PLAC8L1: variants seen among roughly 807,000 people sequenced by gnomAD.
The protein encoded by PLAC8L1 is PLAC8 like 1.
Under a neutral mutation model 16.3 loss-of-function variants are expected in PLAC8L1, and 13 were observed. That is an observed-to-expected ratio of 0.80 (90% CI 0.52 to 1.27). PLAC8L1 has a LOEUF of 1.27. Ranked by LOEUF, PLAC8L1 falls within the 50% of genes most tolerant of loss-of-function variation. The pLI is 0.00. For synonymous variants in PLAC8L1, 78 were observed against 79.3 expected, an observed-to-expected ratio of 0.98 and a Z score of 0.09; for missense variants, 184 against 220.2, an observed-to-expected ratio of 0.84 and a Z score of 1.04.
intron 2 of PLAC8L1, among the ~76,000 whole-genome samples, chr5:146,092,535 A>ATTTTTTTTTTT (rs35101919): frequency 3.0e-5 from 3 of 100,384 alleles, no homozygotes; most frequent in Non-Finnish European, 5.8e-5. Context: ...ATCTTTGCAG[A>ATTTTTTTTTTT]TTTTTTTTTT....
chr5:146,096,594 G>C (rs952971067), intron 2 of PLAC8L1, among the ~76,000 whole-genome samples: 3 of 152,134 alleles, frequency 2.0e-5, no homozygotes, highest in Non-Finnish European at 4.4e-5. Flanking sequence ...TAGGATTCAC[G>C]GTGTATATGT....
intron 1 of PLAC8L1, among the ~76,000 whole-genome samples, chr5:146,102,467 G>C (rs1763837096): frequency 1.3e-5 from 2 of 152,156 alleles, no homozygotes; most frequent in Non-Finnish European, 2.9e-5. Context: ...CCATGTACCA[G>C]GATCTCAGTA....
chr5:146,096,727 C>G (rs1372352166), intron 2 of PLAC8L1, among the ~76,000 whole-genome samples: 3 of 151,934 alleles, frequency 2.0e-5, no homozygotes, highest in Non-Finnish European at 4.4e-5. Flanking sequence ...ACTTACTATT[C>G]TGGGGCCAGA....
intron 2 of PLAC8L1, among the ~76,000 whole-genome samples, chr5:146,097,111 T>A (rs1763730652): frequency 6.6e-6 from 1 of 152,096 alleles, no homozygotes; most frequent in African/African-American, 2.4e-5. Flanking sequence ...CTCCCCCTCC[T>A]CCCAGAGAGA....
intron 2 of PLAC8L1, among the ~76,000 whole-genome samples, chr5:146,091,234 A>G (rs907457124): frequency 4.6e-5 from 7 of 152,208 alleles, no homozygotes; most frequent in Non-Finnish European, 1.0e-4. Flanking sequence ...CCCTGTATCA[A>G]TGCTTATACA....
chr5:146,089,175 AAC>A (rs1491172394), intron 2 of PLAC8L1, among the ~76,000 whole-genome samples: 2 of 152,310 alleles, frequency 1.3e-5, no homozygotes, highest in East Asian at 3.9e-4. Flanking sequence ...TTTTAAAAAA[AAC>A]ACACGCTTTT....
chr5:146,096,924 G>A (rs954183849), intron 2 of PLAC8L1, among the ~76,000 whole-genome samples: 18 of 152,178 alleles, frequency 1.2e-4, no homozygotes, highest in Non-Finnish European at 2.1e-4. Context: ...TATGGGTCAC[G>A]GGGAAGACTC....
intron 1 of PLAC8L1, among the ~76,000 whole-genome samples, chr5:146,101,864 T>C (rs1260136524): frequency 1.3e-5 from 2 of 152,200 alleles, no homozygotes; most frequent in African/African-American, 4.8e-5. Context: ...CGTCTTTTAG[T>C]AGAGGGATTT....
chr5:146,085,602 C>A lies in PLAC8L1; in HGVS notation c.257-5G>T. 1 of 1,601,136 alleles carries A rather than the reference C, an allele frequency of 6.2e-7. No individual in the cohort carries two copies. The highest frequency in any genetic ancestry group is 8.5e-7 in the Non-Finnish European group (1 of 1,173,012). On this transcript the variant is annotated splice_region_variant and splice_polypyrimidine_tract_variant and intron_variant, in intron 2 of 3. Coordinates refer to ENST00000311450, the MANE Select transcript of PLAC8L1 (RefSeq NM_001029869.3). ...GACAGAATAGACCACAGAAACCTGTCAATAACCACATCCAAAAAGCCAAGG... is the reference window on the plus strand; with the variant it reads ...GACAGAATAGACCACAGAAACCTGTAAATAACCACATCCAAAAAGCCAAGG...
rs1176593629 is a variant in PLAC8L1 at position 146,098,191 on chromosome 5, G to A, written c.221C>T (p.Thr74Ile). 1.2e-6 allele frequency: 2 copies of A among 1,613,932 alleles called. No homozygotes were observed. The highest frequency in any genetic ancestry group is 1.1e-5 in the South Asian group (1 of 90,990). ...ATCTCTGCAGACACTGAAGAGACCG[G>A]TGCTCCAGCCCCCGCCAGTCTGGAC... ...AIVQTGGGWSTGLFSVCRDRR... is the reference protein window; with the variant it reads ...AIVQTGGGWSIGLFSVCRDRR... Residue 74 changes from threonine to isoleucine, a missense_variant, in exon 2 of 4, where the codon ACC (threonine) becomes ATC (isoleucine). Transcript: ENST00000311450.
intron 2 of PLAC8L1, among the ~76,000 whole-genome samples, chr5:146,096,226 T>C (rs1201639949): frequency 6.6e-6 from 1 of 152,228 alleles, no homozygotes; most frequent in Non-Finnish European, 1.5e-5. Flanking sequence ...TGTCTTCACA[T>C]GGCCTTCTCC....
chr5:146,098,015 C>T (rs2150036956), intron 2 of PLAC8L1, 141 bp downstream of exon 2: 2 of 987,398 alleles, frequency 2.0e-6, no homozygotes, highest in East Asian at 2.6e-5. Flanking sequence ...ACAAGGAGTA[C>T]ATTTGAGTCA....
chr5:146,099,842 A>G lies in PLAC8L1; in HGVS notation c.120-1550T>C, dbSNP rs115362797. The stretch of plus-strand genomic sequence containing the variant: ...GATTTCTGGCAATAAAGCCAATGGA[A>G]TTTCATGGTATTATAGTATAAGTTG... On this transcript the variant is annotated intron_variant, in intron 1 of 3. Coordinates refer to ENST00000311450, the MANE Select transcript of PLAC8L1 (RefSeq NM_001029869.3). Among the ~76,000 whole-genome samples the G allele has an allele frequency of 7.8e-3, 1,188 of 152,122 alleles. 14 individuals carry two copies. The highest frequency in any genetic ancestry group is 0.027 in the African/African-American group (1,129 of 41,492).
At position 146,092,448 on chromosome 5, in the gene PLAC8L1, C is replaced by T. The variant is rs573780152; in HGVS notation, c.256+5708G>A. Among the ~76,000 whole-genome samples the T allele has an allele frequency of 8.6e-5, 13 of 151,254 alleles. No homozygotes were observed. The East Asian group carries it at 2.5e-3, about 29-fold the overall frequency. ...ATTCATATAGCAGTGGTTTGAATGG[C>T]AAAGTCTGGAAACCATATAAAGGTC... is the stretch of plus-strand genomic sequence containing the variant. On this transcript the variant is annotated intron_variant, in intron 2 of 3. Coordinates refer to ENST00000311450, the MANE Select transcript of PLAC8L1 (RefSeq NM_001029869.3).
chr5:146,090,534 A>AAAAACAAAACAAAACAAAACAAAAC (rs71581853), intron 2 of PLAC8L1, among the ~76,000 whole-genome samples: 1 of 149,666 alleles, frequency 6.7e-6, no homozygotes, highest in Admixed American at 6.7e-5. Flanking sequence ...GACCGTCTCA[A>AAAAACAAAACAAAACAAAACAAAAC]AAAACAAAAC....
Position 146,102,354 on chromosome 5 carries a change from A to C in PLAC8L1, c.119+1839T>G, listed in dbSNP as rs1353407295. ...AGTCTTCAGTTATTTTTATATTAAAATGTTTGAATTGACATACATTGGCTG... is the reference window on the plus strand; with the variant it reads ...AGTCTTCAGTTATTTTTATATTAAACTGTTTGAATTGACATACATTGGCTG... On this transcript the variant is annotated intron_variant, in intron 1 of 3. Coordinates refer to ENST00000311450, the MANE Select transcript of PLAC8L1 (RefSeq NM_001029869.3). 2.0e-5 allele frequency among the ~76,000 whole-genome samples: 3 copies of C among 152,202 alleles called. No homozygotes were observed. In the East Asian group the frequency reaches 5.8e-4, roughly 29 times the overall value.
At position 146,085,569 on chromosome 5, in the gene PLAC8L1, A is replaced by G; in HGVS notation, c.285T>C (p.Cys95=). Residue 95 remains cysteine, a synonymous_variant, in exon 3 of 4, where the codon TGT becomes TGC. Coordinates refer to ENST00000311450, the MANE Select transcript of PLAC8L1 (RefSeq NM_001029869.3). ...ICFCGLFCPM[C]LECDIARHYG... ...AATGCCTGGCGATGTCACACTCAAG[A>G]CACATAGGACAGAATAGACCACAGA... is the stretch of plus-strand genomic sequence containing the variant. The G allele has an allele frequency of 3.7e-6, 6 of 1,614,134 alleles. No individual in the cohort carries two copies. Among genetic ancestry groups the G allele is most frequent in the Non-Finnish European group, 5.1e-6 (6 of 1,180,018 alleles).
Position 146,084,663 on chromosome 5 carries a change from A to G in PLAC8L1, c.394-91T>C, listed in dbSNP as rs554356944. 560 of 1,498,670 alleles carry G rather than the reference A, an allele frequency of 3.7e-4. 1 individual carries two copies. The highest frequency in any genetic ancestry group is 1.5e-4 in the Non-Finnish European group (163 of 1,111,912). 92.8% of individuals were successfully genotyped at this position (1,498,670 alleles called of 1,614,324 possible). ...GTACAATGTTACCTCCTGGCCCTTC[A>G]ACCACAGCTTCCAAGGTTCACCAAC... On this transcript the variant is annotated intron_variant, in intron 3 of 3. Coordinates refer to ENST00000311450, the MANE Select transcript of PLAC8L1 (RefSeq NM_001029869.3).
intron 2 of PLAC8L1, among the ~76,000 whole-genome samples, chr5:146,087,354 G>A (rs1049955992): frequency 8.5e-5 from 13 of 152,066 alleles, no homozygotes; most frequent in Admixed American, 7.2e-4. Context: ...TTACACAGGC[G>A]TATGTTTTTA....
Sources: gnomAD v4.1 joint callset for allele counts (sites outside exome capture counted in the v4.1 genomes callset) on GRCh38, gnomAD v4.1.1 for gene constraint, MANE v1.5 for transcripts, NCBI Gene and HGNC (gene_info 2026-07-23, HGNC 2026-07-21) for gene names.